CFAP161: variants seen among roughly 807,000 people sequenced by gnomAD.
CFAP161 encodes cilia- and flagella-associated protein 161.
Under a neutral mutation model 29.0 loss-of-function variants are expected in CFAP161, and 25 were observed. The ratio of observed to expected loss-of-function variants is 0.86; its 90% confidence interval spans 0.63 to 1.20. The LOEUF (loss-of-function observed/expected upper bound fraction) is 1.20. Among genes scored for constraint, CFAP161 ranks in the 50% most tolerant of loss-of-function variants. The pLI is 0.00. For missense variants in CFAP161, 367 were observed against 371.9 expected (o/e 0.99, Z 0.11); for synonymous variants, 116 against 137.4 (o/e 0.84, Z 1.09).
chr15:81,143,946 T>C (rs554777376), intron 5 of CFAP161, 126 bp downstream of exon 5: 1 of 1,112,448 alleles, frequency 9.0e-7, no homozygotes, highest in East Asian at 2.6e-5. Flanking sequence ...CTGTCTTTTT[T>C]TTTCCATTTA....
intron 1 of CFAP161, among the ~76,000 whole-genome samples, chr15:81,120,004 T>TATTA (rs1195829056): frequency 1.3e-5 from 2 of 152,204 alleles, no homozygotes; most frequent in African/African-American, 4.8e-5. Flanking sequence ...GTTGCATGGA[T>TATTA]ATTAAAACCT....
At chr15:81,131,685 A>G (rs1454771316), upstream of CFAP161, among the ~76,000 whole-genome samples, 3 of 152,186 alleles carry the variant, frequency 2.0e-5, no homozygotes, top group East Asian at 5.8e-4. Context: ...TCTTGGAGGA[A>G]TGCAGGATAT....
At chr15:81,110,724 G>A (rs1567151134) in intron 1 of CFAP161, among the ~76,000 whole-genome samples, 1 of 152,176 alleles carries the variant, frequency 6.6e-6, no homozygotes, top group South Asian at 2.1e-4. Flanking sequence ...TACCCAAGTG[G>A]TCAGCTTCGG....
At chr15:81,116,970 A>G (rs1369805087) in intron 1 of CFAP161, among the ~76,000 whole-genome samples, 1 of 152,156 alleles carries the variant, frequency 6.6e-6, no homozygotes, top group African/African-American at 2.4e-5. Context: ...TTCTCTCTGC[A>G]CTGATCACTT....
intron 2 of CFAP161, among the ~76,000 whole-genome samples, chr15:81,129,196 G>T (rs944662361): frequency 1.3e-5 from 2 of 151,810 alleles, no homozygotes; most frequent in African/African-American, 4.8e-5. Context: ...AATAGTCAGT[G>T]AACAAAGCTG....
At chr15:81,109,578 C>T (rs576862249) in intron 1 of CFAP161, among the ~76,000 whole-genome samples, 1 of 152,226 alleles carries the variant, frequency 6.6e-6, no homozygotes, top group Non-Finnish European at 1.5e-5. Context: ...GTGGTGTATG[C>T]CTGTAGTCCC....
intron 4 of CFAP161, among the ~76,000 whole-genome samples, chr15:81,140,577 G>C (rs1435870442): frequency 1.6e-5 from 2 of 125,886 alleles, no homozygotes; most frequent in Admixed American, 8.3e-5. Context: ...TTTTTTTTTT[G>C]AGACAGGGTC....
chr15:81,126,597 C>T (rs1237065506), intron 1 of CFAP161, among the ~76,000 whole-genome samples: 1 of 152,134 alleles, frequency 6.6e-6, no homozygotes, highest in Non-Finnish European at 1.5e-5. Flanking sequence ...TTATGCTGGA[C>T]AGATACCTTA....
intron 2 of CFAP161, 145 bp from the exon 3 acceptor site, chr15:81,136,371 A>G (rs752639197): frequency 2.9e-6 from 2 of 682,592 alleles, no homozygotes; most frequent in Non-Finnish European, 5.0e-6. Context: ...GGGGAAGGGA[A>G]AGGAAGAAGG....
rs529564984 is a variant in CFAP161, at chr15:81,138,780, T to G, written c.477+645T>G. Reference sequence around the variant, plus strand: ...GCAGTGTTGTAAATGCTTCACATATTTCAACTCTCCTAATCCCCCAAACTT... The same window carrying G: ...GCAGTGTTGTAAATGCTTCACATATGTCAACTCTCCTAATCCCCCAAACTT... On this transcript the variant is annotated intron_variant, in intron 4 of 6. Transcript: ENST00000286732. Among the ~76,000 whole-genome samples, 12 of 152,264 alleles carry G rather than the reference T, an allele frequency of 7.9e-5. No homozygotes were observed. The South Asian group carries it at 2.5e-3, about 32-fold the overall frequency.
intron 4 of CFAP161, among the ~76,000 whole-genome samples, chr15:81,140,249 T>A (rs972986546): frequency 3.3e-5 from 5 of 152,240 alleles, no homozygotes; most frequent in Non-Finnish European, 5.9e-5. Context: ...ATTGCTTTTA[T>A]GTTTTTAAGA....
intron 4 of CFAP161, among the ~76,000 whole-genome samples, chr15:81,140,636 G>A (rs1006792274): frequency 6.6e-6 from 1 of 151,680 alleles, no homozygotes. Context: ...ATGGTTCACT[G>A]CAGCTTCCAC....
chr15:81,135,226 A>G, intron 1 of CFAP161, 44 bp from the exon 2 acceptor site: 22 of 1,197,594 alleles, frequency 1.8e-5, no homozygotes, highest in Non-Finnish European at 2.5e-5. Flanking sequence ...ATTAATACTA[A>G]CATCTATATT....
At chr15:81,121,914 C>T (rs1421294083) in intron 1 of CFAP161, among the ~76,000 whole-genome samples, 2 of 152,184 alleles carry the variant, frequency 1.3e-5, no homozygotes, top group Admixed American at 6.5e-5. Flanking sequence ...CCCTTCTATG[C>T]GTCCATGTGT....
rs570859178 is a variant in CFAP161 at position 81,102,912 on chromosome 15, A to G, written c.-141-24678A>G. On this transcript the variant is annotated intron_variant, in intron 1 of 4. Coordinates refer to the CFAP161 transcript ENST00000560091. ...ATCTATGGGGTTGAATCAATGAGGAAGTTTTATAGACATAGAACATCCAAA... is the reference window on the plus strand; with the variant it reads ...ATCTATGGGGTTGAATCAATGAGGAGGTTTTATAGACATAGAACATCCAAA... Among the ~76,000 whole-genome samples the G allele has an allele frequency of 4.0e-3, 607 of 152,326 alleles. 5 individuals carry two copies. The highest frequency in any genetic ancestry group is 0.014 in the African/African-American group (575 of 41,570).
At chr15:81,137,580 AAAAG>A (rs1894833892) in intron 3 of CFAP161, among the ~76,000 whole-genome samples, 2 of 152,202 alleles carry the variant, frequency 1.3e-5, no homozygotes, top group African/African-American at 4.8e-5. Context: ...TGGGGGAAAA[AAAAG>A]AATATATAGA....
Position 81,147,916 on chromosome 15 carries a change from G to A in CFAP161, c.695G>A (p.Arg232Gln), listed in dbSNP as rs750046925. ...CHTNRGLAAH[R>Q]HLFLSTYFGK... is the part of the protein sequence containing the mutation. ...ACAAATCGGGGACTGGCAGCCCACC[G>A]GCATCTTTTCTTAAGGTATTGTATT... The change falls in exon 6 of 7, where the codon CGG (arginine) becomes CAG (glutamine). Residue 232 changes from arginine to glutamine, a missense_variant. By Grantham distance (43) the Arg-to-Gln change is conservative (BLOSUM62 1). Coordinates refer to ENST00000286732, the MANE Select transcript of CFAP161 (RefSeq NM_173528.4). 1.8e-5 allele frequency: 29 copies of A among 1,610,262 alleles called. No individual in the cohort carries two copies. Among genetic ancestry groups the A allele is most frequent in the East Asian group, 4.5e-5 (2 of 44,828 alleles).
At chr15:81,139,956 G>C (rs955156315) in intron 4 of CFAP161, among the ~76,000 whole-genome samples, 1 of 152,046 alleles carries the variant, frequency 6.6e-6, no homozygotes. Flanking sequence ...AAAATGAAAA[G>C]AAAAAATGAT....
chr15:81,144,337 G>A (rs1174845232), intron 5 of CFAP161, among the ~76,000 whole-genome samples: 1 of 152,222 alleles, frequency 6.6e-6, no homozygotes, highest in East Asian at 1.9e-4. Flanking sequence ...GCTCACGCCT[G>A]CAATCCCAGC....
Sources: allele counts gnomAD v4.1 joint callset (sites outside exome capture counted in the v4.1 genomes callset), GRCh38; gene constraint gnomAD v4.1.1; transcripts MANE v1.5; gene names NCBI Gene and HGNC (gene_info 2026-07-23, HGNC 2026-07-21).